PPM1B: variants seen among roughly 807,000 people sequenced by gnomAD.
PPM1B encodes protein phosphatase 1B.
Under a neutral mutation model 43.0 loss-of-function variants are expected in PPM1B, and 22 were observed. The observed-to-expected ratio is 0.51, with a 90% confidence interval of 0.37 to 0.73. The LOEUF (loss-of-function observed/expected upper bound fraction) is 0.73, where lower values mean the gene tolerates loss of function less well. Among genes scored for constraint, PPM1B ranks in the 30% least tolerant of loss-of-function variants. The pLI, the probability that PPM1B is intolerant of heterozygous loss-of-function variation, is 0.00. For synonymous variants in PPM1B, 217 were observed against 197.9 expected, an observed-to-expected ratio of 1.10 and a Z score of -0.81; for missense variants, 632 against 584.2, an observed-to-expected ratio of 1.08 and a Z score of -0.84.
In PPM1B at chr2:44,230,728, T is replaced by G. The variant is rs371116483; in HGVS notation, c.*10T>G. 3.9e-5 allele frequency: 63 copies of G among 1,599,976 alleles called. No individual in the cohort carries two copies. The African/African-American group carries it at 8.2e-4, about 21-fold the overall frequency. On this transcript the variant is annotated 3_prime_UTR_variant, in exon 6 of 6. Coordinates refer to ENST00000282412, the MANE Select transcript of PPM1B (RefSeq NM_002706.6). ...TGGTGAAAAAATATGACTTTCCTTT[T>G]TGGTAATATTTTTGTGATCTTTGAT... is the stretch of plus-strand genomic sequence containing the variant.
intron 1 of PPM1B, among the ~76,000 whole-genome samples, chr2:44,186,246 C>G (rs1408811621): frequency 6.6e-6 from 1 of 152,198 alleles, no homozygotes; most frequent in African/African-American, 2.4e-5. Flanking sequence ...TGTCTAGGAA[C>G]AGGCTGGAAG....
intron 1 of PPM1B, among the ~76,000 whole-genome samples, chr2:44,195,823 T>C (rs1378494402): frequency 1.3e-5 from 2 of 152,148 alleles, no homozygotes; most frequent in Non-Finnish European, 2.9e-5. Flanking sequence ...TGAGGGTGGG[T>C]CAGAAAATAC....
Position 44,231,061 on chromosome 2 carries a change from A to G in PPM1B, c.*343A>G. The G allele has an allele frequency of 1.1e-6, 1 of 912,552 alleles. No homozygotes were observed. The highest frequency in any genetic ancestry group is 1.3e-6 in the Non-Finnish European group (1 of 758,690). The allele number at this position is 912,552 out of a possible 1,614,324, so 56.5% of individuals were successfully genotyped here. A position where few individuals can be genotyped will look rare whatever the true frequency, so the allele number is the denominator to read the frequency against. On this transcript the variant is annotated 3_prime_UTR_variant, in exon 6 of 6. Transcript: ENST00000282412. ...ATGCTATATTATGGAAAAACTTGTT[A>G]ATGTAGAATTATACTGCTTCATATT...
intron 1 of PPM1B, among the ~76,000 whole-genome samples, chr2:44,194,038 T>G (rs1028357137): frequency 4.6e-5 from 7 of 152,182 alleles, no homozygotes; most frequent in Non-Finnish European, 7.3e-5. Context: ...ATTTGTTTGT[T>G]TGTTTGTTTG....
intron 1 of PPM1B, among the ~76,000 whole-genome samples, chr2:44,186,562 A>T (rs1484456375): frequency 6.6e-6 from 1 of 151,590 alleles, no homozygotes; most frequent in Admixed American, 6.6e-5. Context: ...TTTTATAGAG[A>T]CAGGGTCTCA....
chr2:44,175,807 A>G (rs1667556380), intron 1 of PPM1B, among the ~76,000 whole-genome samples: 1 of 140,940 alleles, frequency 7.1e-6, no homozygotes, highest in Non-Finnish European at 1.5e-5. Context: ...TTTTTTTGAG[A>G]CGGAGTCTCA....
chr2:44,245,982 G>T (rs1320455679), downstream of PPM1B, among the ~76,000 whole-genome samples: 1 of 152,094 alleles, frequency 6.6e-6, no homozygotes, highest in Non-Finnish European at 1.5e-5. Flanking sequence ...ATTATTTTAG[G>T]TTGATAGGGC....
chr2:44,244,174 G>GA (rs372100783), intron 5 of PPM1B: 36,787 of 742,076 alleles, frequency 0.05, 17 homozygotes, highest in Non-Finnish European at 0.055. Context: ...AATCCTGCAA[G>GA]AAAAAAAAAA....
intron 3 of PPM1B, among the ~76,000 whole-genome samples, chr2:44,213,013 CAAAAAAAAAAA>C (rs57091283): frequency 7.7e-5 from 5 of 65,330 alleles, no homozygotes; most frequent in African/African-American, 2.4e-4. Context: ...ACTCCGTTTC[CAAAAAAAAAAA>C]AAAAAAAAAT....
intron 3 of PPM1B, among the ~76,000 whole-genome samples, chr2:44,212,939 GGA>G (rs1470652637): frequency 1.5e-4 from 22 of 151,518 alleles, no homozygotes; most frequent in African/African-American, 5.1e-4. Flanking sequence ...TGTGAACCTG[GGA>G]GGTGGAGCTT....
At chr2:44,187,879 A>T (rs1197784808) in intron 1 of PPM1B, among the ~76,000 whole-genome samples, 1 of 151,958 alleles carries the variant, frequency 6.6e-6, no homozygotes, top group Non-Finnish European at 1.5e-5. Context: ...CCTCCCTAGT[A>T]GCTGGGACTT....
downstream of PPM1B, among the ~76,000 whole-genome samples, chr2:44,238,796 G>A (rs1670685534): frequency 6.6e-6 from 1 of 151,980 alleles, no homozygotes; most frequent in African/African-American, 2.4e-5. Context: ...ATTTTAAAAT[G>A]CGAAGTCTTC....
At chr2:44,215,756 CA>C (rs1558420818) in intron 3 of PPM1B, among the ~76,000 whole-genome samples, 1 of 151,968 alleles carries the variant, frequency 6.6e-6, no homozygotes, top group East Asian at 1.9e-4. Context: ...GAGGATATAG[CA>C]GAAAAAGAAA....
intron 1 of PPM1B, among the ~76,000 whole-genome samples, chr2:44,170,045 A>T (rs914785595): frequency 6.6e-6 from 1 of 152,248 alleles, no homozygotes; most frequent in African/African-American, 2.4e-5. Flanking sequence ...TGTGAAAATA[A>T]CACCGAAAAT....
At chr2:44,189,940 G>T (rs188528727) in intron 1 of PPM1B, among the ~76,000 whole-genome samples, 1 of 152,060 alleles carries the variant, frequency 6.6e-6, no homozygotes, top group Non-Finnish European at 1.5e-5. Flanking sequence ...TGGCATGTTG[G>T]GAGGGATTAG....
At chr2:44,233,707 C>A, downstream of PPM1B, 1 of 985,852 alleles carries the variant, frequency 1.0e-6, no homozygotes, top group Non-Finnish European at 1.2e-6. Flanking sequence ...GAAGCTGTTT[C>A]TGGAGAGCCA....
chr2:44,185,050 A>T (rs910299242), intron 1 of PPM1B, among the ~76,000 whole-genome samples: 2 of 151,192 alleles, frequency 1.3e-5, no homozygotes, highest in African/African-American at 4.9e-5. Context: ...TGACTTTAAT[A>T]TTATTGGGTT....
At chr2:44,202,074 A>G in intron 2 of PPM1B, 29 bp downstream of exon 2, 3 of 1,480,286 alleles carry the variant, frequency 2.0e-6, no homozygotes, top group Non-Finnish European at 2.7e-6. Flanking sequence ...CATTAAAATA[A>G]CATGTTAATT....
downstream of PPM1B, among the ~76,000 whole-genome samples, chr2:44,236,782 T>A (rs536572503): frequency 2.1e-3 from 314 of 152,318 alleles, no homozygotes; most frequent in African/African-American, 7.3e-3. Context: ...GAATTTAAGG[T>A]TATATTTTTT....
Sources: gnomAD v4.1 joint callset for allele counts (sites outside exome capture counted in the v4.1 genomes callset) on GRCh38, gnomAD v4.1.1 for gene constraint, MANE v1.5 for transcripts, NCBI Gene and HGNC (gene_info 2026-07-23, HGNC 2026-07-21) for gene names.